The following CCDC149 variants were observed in gnomAD, a reference collection of about 807,000 sequenced individuals.
The protein encoded by CCDC149 is coiled-coil domain containing 149, also known as coiled-coil domain-containing protein 149.
CCDC149 carries 45 observed loss-of-function variants against 59.9 expected under a neutral mutation model. That is an observed-to-expected ratio of 0.75 (90% CI 0.59 to 0.96). CCDC149 has a LOEUF of 0.96. Among genes scored for constraint, CCDC149 ranks in the 40% least tolerant of loss-of-function variants. CCDC149 has a pLI of 0.00. For synonymous variants in CCDC149, 245 were observed against 260.6 expected, an observed-to-expected ratio of 0.94 and a Z score of 0.58; for missense variants, 584 against 664.7, an observed-to-expected ratio of 0.88 and a Z score of 1.33.
intron 1 of CCDC149, among the ~76,000 whole-genome samples, chr4:24,910,151 C>T (rs1465298243): frequency 1.3e-5 from 2 of 152,292 alleles, no homozygotes; most frequent in Non-Finnish European, 1.5e-5. Flanking sequence ...GAGCTGCCAG[C>T]GACCTCTGGC....
chr4:24,841,412 T>C (rs1420913545), intron 4 of CCDC149, among the ~76,000 whole-genome samples: 2 of 152,264 alleles, frequency 1.3e-5, no homozygotes, highest in Non-Finnish European at 2.9e-5. Context: ...ATCTTTTATA[T>C]ATTGGATGCC....
chr4:24,883,954 A>G lies in CCDC149; in HGVS notation c.64-7257T>C. On this transcript the variant is annotated intron_variant, in intron 1 of 12. Coordinates refer to ENST00000635206, the MANE Select transcript of CCDC149 (RefSeq NM_001330643.2). ...GTTCTTTTTACTATTCTACATTGGC[A>G]CCAAATTAGTTATAAGTGGTTCAAC... Among the ~76,000 whole-genome samples the G allele has an allele frequency of 1.3e-5, 2 of 152,186 alleles. 1 individual carries two copies. Among genetic ancestry groups the G allele is most frequent in the East Asian group, 3.8e-4 (2 of 5,196 alleles).
At chr4:24,811,937 G>A (rs1472732543) in intron 12 of CCDC149, among the ~76,000 whole-genome samples, 1 of 152,020 alleles carries the variant, frequency 6.6e-6, no homozygotes, top group East Asian at 1.9e-4. Flanking sequence ...AGGCTCTGGG[G>A]CAGAATCCAT....
chr4:24,969,734 C>A (rs57555753), intron 1 of CCDC149, among the ~76,000 whole-genome samples: 3,955 of 152,220 alleles, frequency 0.026, 118 homozygotes, highest in African/African-American at 0.07. Flanking sequence ...GGTATGGGGA[C>A]GAATGGTAAC....
chr4:24,923,185 CAGG>C (rs2109337662), intron 1 of CCDC149, among the ~76,000 whole-genome samples: 1 of 152,314 alleles, frequency 6.6e-6, no homozygotes, highest in East Asian at 1.9e-4. Flanking sequence ...GACAAGGTCA[CAGG>C]CTGATACTCA....
chr4:24,820,229 C>T, intron 11 of CCDC149: 1 of 417,506 alleles, frequency 2.4e-6, no homozygotes, highest in South Asian at 3.7e-5. Context: ...TTTTTCTTTC[C>T]TCTCACTGCT....
chr4:24,879,557 C>T (rs1379600823), intron 1 of CCDC149, among the ~76,000 whole-genome samples: 6 of 149,184 alleles, frequency 4.0e-5, no homozygotes, highest in Admixed American at 1.3e-4. Flanking sequence ...TGGTGGCAGG[C>T]GCCTGTAATC....
chr4:24,976,441 G>A (rs995496633), intron 1 of CCDC149, among the ~76,000 whole-genome samples: 12 of 152,270 alleles, frequency 7.9e-5, no homozygotes, highest in East Asian at 5.8e-4. Flanking sequence ...GGCTGGGTGC[G>A]GTGGCTCATG....
chr4:24,873,954 T>C (rs1719219267), intron 2 of CCDC149, among the ~76,000 whole-genome samples: 2 of 150,446 alleles, frequency 1.3e-5, no homozygotes, highest in African/African-American at 2.4e-5. Context: ...CAAATCTATA[T>C]ATTTCCTAAA....
chr4:24,945,304 C>A (rs1315465997), intron 1 of CCDC149, among the ~76,000 whole-genome samples: 4 of 152,134 alleles, frequency 2.6e-5, no homozygotes, highest in Non-Finnish European at 4.4e-5. Flanking sequence ...GTCACACTGG[C>A]CCTAAATCCA....
intron 1 of CCDC149, among the ~76,000 whole-genome samples, chr4:24,921,029 A>G (rs1173923997): frequency 6.6e-6 from 1 of 152,216 alleles, no homozygotes; most frequent in Non-Finnish European, 1.5e-5. Flanking sequence ...AGGGGAGTAG[A>G]AAAGAGTGTT....
intron 1 of CCDC149, among the ~76,000 whole-genome samples, chr4:24,967,917 C>G (rs1723844965): frequency 6.6e-6 from 1 of 152,110 alleles, no homozygotes; most frequent in Non-Finnish European, 1.5e-5. Flanking sequence ...AAGATTCAGG[C>G]ATATCCCAGG....
Position 24,836,479 on chromosome 4 carries a change from T to C in CCDC149, c.692A>G (p.His231Arg). ...TGATTTCAAGAGGTTGACCTCTTCA[T>C]GGAGTTGCTTTAATCTCTCTTGAAG... is the stretch of plus-strand genomic sequence containing the variant. Residue 231 changes from histidine to arginine, a missense_variant, in exon 7 of 13, where the codon CAT becomes CGT. His to Arg is a conservative substitution (Grantham distance 29, BLOSUM62 0). Transcript: ENST00000635206. 6.2e-7 allele frequency: 1 copy of C among 1,612,680 alleles called. No individual in the cohort carries two copies. The highest frequency in any genetic ancestry group is 8.5e-7 in the Non-Finnish European group (1 of 1,178,804).
At chr4:24,834,582 A>G (rs1668550594) in intron 8 of CCDC149, among the ~76,000 whole-genome samples, 1 of 152,220 alleles carries the variant, frequency 6.6e-6, no homozygotes, top group African/African-American at 2.4e-5. Flanking sequence ...AACATTCTGG[A>G]AAGGAGAACA....
At chr4:24,815,645 G>A (rs894034571) in intron 12 of CCDC149, among the ~76,000 whole-genome samples, 5 of 152,126 alleles carry the variant, frequency 3.3e-5, no homozygotes, top group African/African-American at 1.2e-4. Context: ...TTTTACTGTA[G>A]GTCAGGTTAA....
chr4:24,843,307 G>A (rs55987015), intron 4 of CCDC149, among the ~76,000 whole-genome samples: 16,294 of 152,226 alleles, frequency 0.11, 1,016 homozygotes, highest in African/African-American at 0.18. Context: ...CCCAGTCCCC[G>A]TGTACTGCTG....
At chr4:24,814,293 C>T (rs1239993982) in intron 12 of CCDC149, among the ~76,000 whole-genome samples, 1 of 152,160 alleles carries the variant, frequency 6.6e-6, no homozygotes, top group Non-Finnish European at 1.5e-5. Context: ...CTCTTCAGAT[C>T]TGTTCAGCCA....
chr4:24,916,787 G>GGTGGGTGTGT (rs1553861265), upstream of CCDC149, among the ~76,000 whole-genome samples: 1 of 141,922 alleles, frequency 7.0e-6, no homozygotes, highest in African/African-American at 2.6e-5. Context: ...GGTTTATAAT[G>GGTGGGTGTGT]GTGTGTGTGT....
chr4:24,889,616 G>C (rs780093700), intron 1 of CCDC149, among the ~76,000 whole-genome samples: 1 of 152,128 alleles, frequency 6.6e-6, no homozygotes, highest in African/African-American at 2.4e-5. Context: ...CTCACATATT[G>C]CAATTACACA....
Sources: allele counts gnomAD v4.1 joint callset (sites outside exome capture counted in the v4.1 genomes callset), GRCh38; gene constraint gnomAD v4.1.1; transcripts MANE v1.5; gene names NCBI Gene and HGNC (gene_info 2026-07-23, HGNC 2026-07-21).